The following ROBO2 variants were observed in gnomAD, a reference collection of about 807,000 sequenced individuals.
ROBO2 encodes the protein roundabout guidance receptor 2, also known as roundabout homolog 2.
A neutral mutation model predicts 160.8 loss-of-function variants in ROBO2; 53 were observed. That is an observed-to-expected ratio of 0.33 (90% CI 0.26 to 0.41). The LOEUF (loss-of-function observed/expected upper bound fraction) is 0.41. ROBO2 is among the 10% of genes least tolerant of loss of function. ROBO2 has a pLI of 1.00. For missense variants in ROBO2, 1,577 were observed against 1,722.4 expected (o/e 0.92, Z 1.49); for synonymous variants, 664 against 611.7 (o/e 1.09, Z -1.26).
In ROBO2 at chr3:76,478,827, C is replaced by T. The variant is rs140618321; in HGVS notation, c.109+541225C>T. Among the ~76,000 whole-genome samples the T allele has an allele frequency of 8.4e-3, 1,272 of 151,878 alleles. 5 individuals carry two copies. The highest frequency in any genetic ancestry group is 0.014 in the Non-Finnish European group (920 of 67,874). ...GTAGCTGGGACTACAGGCCTGTCAC[C>T]TCATCTGGCTAATTTATTTTCTGTA... On this transcript the variant is annotated intron_variant, in intron 2 of 26. Coordinates refer to the ROBO2 transcript ENST00000487694.
At chr3:77,115,491 T>A (rs2074108240) in intron 2 of ROBO2, among the ~76,000 whole-genome samples, 1 of 152,200 alleles carries the variant, frequency 6.6e-6, no homozygotes, top group Admixed American at 6.5e-5. Context: ...CACAAAACAT[T>A]GTTTTTTTAG....
chr3:76,159,557 C>A (rs1015861737), intron 2 of ROBO2, among the ~76,000 whole-genome samples: 1 of 152,062 alleles, frequency 6.6e-6, no homozygotes, highest in Non-Finnish European at 1.5e-5. Flanking sequence ...TGGGACTGAG[C>A]TGGGGATAGC....
intron 2 of ROBO2, among the ~76,000 whole-genome samples, chr3:77,135,600 G>A (rs2076217629): frequency 6.6e-6 from 1 of 151,744 alleles, no homozygotes; most frequent in South Asian, 2.1e-4. Flanking sequence ...GTAGAGAAGG[G>A]GTTTCGCTAT....
chr3:77,078,533 A>G (rs1437487602), intron 1 of ROBO2, among the ~76,000 whole-genome samples: 1 of 152,170 alleles, frequency 6.6e-6, no homozygotes, highest in Non-Finnish European at 1.5e-5. Context: ...TCTTACATTG[A>G]TATGGTGCTT....
chr3:76,834,171 T>TTCTC lies in ROBO2; in HGVS notation c.110-263827_110-263824dup, dbSNP rs1553651478. On this transcript the variant is annotated intron_variant, in intron 2 of 26. Coordinates refer to the ROBO2 transcript ENST00000487694. ...CCTTTCTTTCTCTCTCTTTCTTTCT[T>TTCTC]TCTCTCTCTCTCTCTCTCTTTCTTT... 1.6e-3 allele frequency among the ~76,000 whole-genome samples: 185 copies of TTCTC among 117,106 alleles called. 5 individuals are homozygous for TTCTC. Among genetic ancestry groups the TTCTC allele is most frequent in the African/African-American group, 5.1e-3 (159 of 31,304 alleles). The allele number at this position is 117,106 out of a possible 152,430, so 76.8% of individuals were successfully genotyped here. A position where few individuals can be genotyped will look rare whatever the true frequency, so the allele number is the denominator to read the frequency against.
chr3:76,170,156 C>G (rs1200924269), intron 2 of ROBO2, among the ~76,000 whole-genome samples: 1 of 151,626 alleles, frequency 6.6e-6, no homozygotes, highest in Non-Finnish European at 1.5e-5. Flanking sequence ...AAGATAACTT[C>G]TTATTTAGCA....
At chr3:77,193,282 A>T (rs1361496819) in intron 2 of ROBO2, among the ~76,000 whole-genome samples, 1 of 151,882 alleles carries the variant, frequency 6.6e-6, no homozygotes, top group Non-Finnish European at 1.5e-5. Flanking sequence ...ATTCAAAAAA[A>T]AAAAAAATTT....
Position 77,531,183 on chromosome 3 carries a change from A to G in ROBO2, c.934+8281A>G, listed in dbSNP as rs1000653480. On this transcript the variant is annotated intron_variant, in intron 6 of 25. Coordinates refer to ENST00000461745, the Ensembl canonical transcript of ROBO2. ...ACTTCACGTGAAACTTGTTTAAAAT[A>G]TCAAAAAACAAACTGACAATTCACA... is the stretch of plus-strand genomic sequence containing the variant. Among the ~76,000 whole-genome samples, 3 of 152,078 alleles carry G rather than the reference A, an allele frequency of 2.0e-5. 1 individual carries two copies. The highest frequency in any genetic ancestry group is 2.0e-4 in the Admixed American group (3 of 15,226).
At chr3:77,613,136 A>G (rs2094687883) in intron 21 of ROBO2, among the ~76,000 whole-genome samples, 1 of 152,136 alleles carries the variant, frequency 6.6e-6, no homozygotes, top group African/African-American at 2.4e-5. Context: ...AAATGAATTG[A>G]GTACACCAAA....
At chr3:76,234,309 T>C (rs1704802886) in intron 2 of ROBO2, among the ~76,000 whole-genome samples, 1 of 152,168 alleles carries the variant, frequency 6.6e-6, no homozygotes, top group African/African-American at 2.4e-5. Flanking sequence ...GTTCTTTGGG[T>C]ATATATTCAA....
intron 2 of ROBO2, among the ~76,000 whole-genome samples, chr3:76,966,964 T>C (rs944546162): frequency 6.6e-6 from 1 of 152,218 alleles, no homozygotes; most frequent in Admixed American, 6.5e-5. Flanking sequence ...CATTCTTTAA[T>C]ATGGCCAGCA....
chr3:77,505,895 A>G (rs2088444527), intron 5 of ROBO2, among the ~76,000 whole-genome samples: 1 of 152,200 alleles, frequency 6.6e-6, no homozygotes, highest in Non-Finnish European at 1.5e-5. Context: ...AGTAAAACAT[A>G]TTTAAAAATA....
At chr3:76,648,015 A>C (rs1456503173) in intron 2 of ROBO2, among the ~76,000 whole-genome samples, 6 of 151,234 alleles carry the variant, frequency 4.0e-5, no homozygotes, top group Admixed American at 3.3e-4. Flanking sequence ...AAATATTAAA[A>C]CCCTATCTAA....
chr3:77,040,859 T>G lies in ROBO2; in HGVS notation c.61+13T>G. On this transcript the variant is annotated intron_variant, in intron 1 of 25. Coordinates refer to ENST00000461745, the Ensembl canonical transcript of ROBO2. ...GTTCGGGTTGATGGTAAGTTAAAAA[T>G]GCTTTCATCTTTTTTTGCGCCCCCC... 6.2e-6 allele frequency: 10 copies of G among 1,614,148 alleles called. No homozygotes were observed. Among genetic ancestry groups the G allele is most frequent in the Non-Finnish European group, 8.5e-6 (10 of 1,180,018 alleles).
At chr3:76,938,943 C>T (rs1233385117) in intron 2 of ROBO2, among the ~76,000 whole-genome samples, 1 of 140,462 alleles carries the variant, frequency 7.1e-6, no homozygotes, top group Non-Finnish European at 1.5e-5. Flanking sequence ...TGCACGCTAG[C>T]CTGGGCGACA....
chr3:77,374,404 G>C (rs1453768278), intron 2 of ROBO2, among the ~76,000 whole-genome samples: 1 of 152,014 alleles, frequency 6.6e-6, no homozygotes, highest in Non-Finnish European at 1.5e-5. Flanking sequence ...TTAGGAAATA[G>C]ATAACTGTTG....
At chr3:77,112,010 A>C (rs895928880) in intron 2 of ROBO2, among the ~76,000 whole-genome samples, 1 of 151,750 alleles carries the variant, frequency 6.6e-6, no homozygotes, top group African/African-American at 2.4e-5. Context: ...CCAGGCGTTC[A>C]AGACCAGCCT....
At chr3:77,581,340 A>G (rs2153677428) in intron 16 of ROBO2, among the ~76,000 whole-genome samples, 1 of 152,102 alleles carries the variant, frequency 6.6e-6, no homozygotes. Context: ...ACAATTTATC[A>G]TTTTTCTTTG....
chr3:76,474,269 T>C (rs943844442), intron 2 of ROBO2, among the ~76,000 whole-genome samples: 4 of 152,176 alleles, frequency 2.6e-5, no homozygotes, highest in African/African-American at 4.8e-5. Flanking sequence ...GAGAGGAAAT[T>C]ATAAATATTG....
Sources: allele counts gnomAD v4.1 joint callset (sites outside exome capture counted in the v4.1 genomes callset), GRCh38; gene constraint gnomAD v4.1.1; transcripts MANE v1.5; gene names NCBI Gene and HGNC (gene_info 2026-07-23, HGNC 2026-07-21).